Variants in SCD5 observed in about 807,000 individuals in gnomAD.
SCD5 encodes the protein acyl-CoA-desaturase 4.
In SCD5, 20 loss-of-function variants were observed where a neutral mutation model predicts 30.4. That is an observed-to-expected ratio of 0.66 (90% CI 0.46 to 0.96). SCD5 has a LOEUF of 0.96. Among genes scored for constraint, SCD5 ranks in the 40% least tolerant of loss-of-function variants. SCD5 has a pLI of 0.00. For synonymous variants in SCD5, 173 were observed against 176.4 expected (o/e 0.98, Z 0.16); for missense variants, 381 against 443.3 (o/e 0.86, Z 1.26).
intron 1 of SCD5, among the ~76,000 whole-genome samples, chr4:82,774,076 G>A (rs945979088): frequency 7.0e-6 from 1 of 142,134 alleles, no homozygotes; most frequent in Non-Finnish European, 1.5e-5. Flanking sequence ...GCAATAAAAT[G>A]AGACTCCATC....
chr4:82,700,028 C>T (rs556898164), intron 2 of SCD5, among the ~76,000 whole-genome samples: 44 of 151,874 alleles, frequency 2.9e-4, no homozygotes, highest in African/African-American at 9.6e-4. Flanking sequence ...ACCAGCCTGA[C>T]CAACACGGTG....
intron 2 of SCD5, among the ~76,000 whole-genome samples, chr4:82,681,819 G>A (rs990238564): frequency 6.6e-6 from 1 of 152,138 alleles, no homozygotes; most frequent in Non-Finnish European, 1.5e-5. Flanking sequence ...ATGAAATCTT[G>A]GTTGTCATAA....
intron 2 of SCD5, among the ~76,000 whole-genome samples, chr4:82,701,960 A>C (rs1719853159): frequency 6.6e-6 from 1 of 151,912 alleles, no homozygotes. Flanking sequence ...GACTTGGAGC[A>C]AATTATAAGG....
chr4:82,666,912 A>G (rs1419021304), intron 3 of SCD5, among the ~76,000 whole-genome samples: 13 of 152,212 alleles, frequency 8.5e-5, no homozygotes, highest in Non-Finnish European at 2.9e-5. Flanking sequence ...ATGTGTGTAA[A>G]GACATAATGC....
intron 4 of SCD5, among the ~76,000 whole-genome samples, chr4:82,632,827 G>A (rs189531340): frequency 6.6e-6 from 1 of 152,082 alleles, no homozygotes; most frequent in Admixed American, 6.5e-5. Context: ...TGGCTTCTCT[G>A]ATTTGATTTT....
At position 82,665,009 on chromosome 4, in the gene SCD5, A is replaced by C. The variant is rs1261993378; in HGVS notation, c.569+15698T>G. Among the ~76,000 whole-genome samples the C allele has an allele frequency of 8.0e-4, 94 of 118,140 alleles. 2 individuals carry two copies. The highest frequency in any genetic ancestry group is 2.9e-3 in the African/African-American group (78 of 26,988). The allele number at this position is 118,140 out of a possible 152,430, so 77.5% of individuals were successfully genotyped here. On this transcript the variant is annotated intron_variant, in intron 3 of 4. Transcript: ENST00000319540. The stretch of plus-strand genomic sequence containing the variant: ...TCTCTCTCTCTCTCTCTATATATAT[A>C]TATATATATATGTATAATACACACA...
chr4:82,769,145 C>T lies in SCD5; in HGVS notation c.232+29161G>A, dbSNP rs150656550. On this transcript the variant is annotated intron_variant, in intron 1 of 4. Transcript: ENST00000319540. Reference sequence around the variant, plus strand: ...ATGGTCTCCCCTCAAGCACATTAGACTGGTTCTCCTTGAAGGGTCTTCTGA... The same window carrying T: ...ATGGTCTCCCCTCAAGCACATTAGATTGGTTCTCCTTGAAGGGTCTTCTGA... Among the ~76,000 whole-genome samples, 1,236 of 152,216 alleles carry T rather than the reference C, an allele frequency of 8.1e-3. 16 individuals are homozygous for T. Among genetic ancestry groups the T allele is most frequent in the African/African-American group, 0.024 (988 of 41,528 alleles).
chr4:82,661,197 A>T, intron 3 of SCD5: 1 of 836,022 alleles, frequency 1.2e-6, no homozygotes, highest in Non-Finnish European at 2.0e-6. Flanking sequence ...CTCTCAATCT[A>T]ATCATCCCTT....
chr4:82,703,963 T>C (rs1719913710), intron 2 of SCD5, among the ~76,000 whole-genome samples: 1 of 152,220 alleles, frequency 6.6e-6, no homozygotes, highest in African/African-American at 2.4e-5. Flanking sequence ...CAAATGAACA[T>C]GGAACCAGGA....
At chr4:82,743,411 G>A (rs907584751) in intron 1 of SCD5, among the ~76,000 whole-genome samples, 2 of 152,170 alleles carry the variant, frequency 1.3e-5, no homozygotes, top group Non-Finnish European at 2.9e-5. Context: ...AGCTACTCAG[G>A]AGGGTGAGGC....
At chr4:82,660,597 G>A (rs1526061) in intron 3 of SCD5, 231,479 of 1,259,726 alleles carry the variant, frequency 0.18, 22,490 homozygotes, top group East Asian at 0.38. Flanking sequence ...CAATAATTTT[G>A]TAAGGTAGGT....
At chr4:82,744,409 A>C (rs1016377959) in intron 1 of SCD5, among the ~76,000 whole-genome samples, 1 of 152,238 alleles carries the variant, frequency 6.6e-6, no homozygotes, top group Non-Finnish European at 1.5e-5. Context: ...CACAGCAGTT[A>C]CTAATGCATT....
intron 1 of SCD5, among the ~76,000 whole-genome samples, chr4:82,760,921 A>G (rs1474225378): frequency 1.3e-5 from 2 of 152,258 alleles, no homozygotes; most frequent in East Asian, 3.8e-4. Context: ...CCCTGAGCAT[A>G]GCACACACAT....
chr4:82,733,857 G>A (rs997553056), intron 1 of SCD5, among the ~76,000 whole-genome samples: 4 of 152,152 alleles, frequency 2.6e-5, no homozygotes, highest in Admixed American at 6.5e-5. Context: ...AGAACTGCCC[G>A]ATGTAAGCAG....
At chr4:82,733,817 T>C (rs1720692378) in intron 1 of SCD5, among the ~76,000 whole-genome samples, 1 of 152,064 alleles carries the variant, frequency 6.6e-6, no homozygotes, top group Admixed American at 6.6e-5. Flanking sequence ...AAGCAGATGG[T>C]GGTGACTCAG....
intron 3 of SCD5, among the ~76,000 whole-genome samples, chr4:82,642,872 G>A (rs532264084): frequency 7.2e-5 from 11 of 152,206 alleles, no homozygotes; most frequent in African/African-American, 9.6e-5. Context: ...ATTCTTCCTC[G>A]TCCCATCCTT....
At chr4:82,759,724 C>T (rs942623042) in intron 1 of SCD5, among the ~76,000 whole-genome samples, 12 of 151,924 alleles carry the variant, frequency 7.9e-5, no homozygotes, top group African/African-American at 2.7e-4. Flanking sequence ...TCCACTCCTT[C>T]CTTTGGGCCT....
At position 82,680,710 on chromosome 4, in the gene SCD5, C is replaced by T. The variant is rs570035080; in HGVS notation, c.566G>A (p.Arg189Lys). Residue 189 changes from arginine to lysine, a missense_variant, in exon 3 of 5, where the codon AGA (arginine) becomes AAA (lysine). Arg to Lys is a conservative substitution (Grantham distance 26). Transcript: ENST00000319540. ...TCCGTCATGCCCATTCACTTACTTT[C>T]TCTGGATCCGGACCACAGGATCAGC... ...LLADPVVRIQ[R>K]KYYKISVVLM... 6.2e-7 allele frequency: 1 copy of T among 1,614,182 alleles called. No individual in the cohort carries two copies. Among genetic ancestry groups the T allele is most frequent in the South Asian group, 1.1e-5 (1 of 91,076 alleles).
chr4:82,780,986 G>A (rs1441267606), intron 1 of SCD5, among the ~76,000 whole-genome samples: 1 of 152,178 alleles, frequency 6.6e-6, no homozygotes, highest in Non-Finnish European at 1.5e-5. Flanking sequence ...GGTCTAGAAG[G>A]CCCCCACCAG....
Sources: gnomAD v4.1 joint callset for allele counts (sites outside exome capture counted in the v4.1 genomes callset) on GRCh38, gnomAD v4.1.1 for gene constraint, MANE v1.5 for transcripts, NCBI Gene and HGNC (gene_info 2026-07-23, HGNC 2026-07-21) for gene names.